Variants in MDGA2 observed in about 807,000 individuals in gnomAD.
MDGA2 encodes the protein MAM domain-containing glycosylphosphatidylinositol anchor protein 2.
A neutral mutation model predicts 117.8 loss-of-function variants in MDGA2; 40 were observed. That is an observed-to-expected ratio of 0.34 (90% CI 0.26 to 0.44). The LOEUF is 0.44. Ranked by LOEUF, MDGA2 falls within the 20% of genes least tolerant of loss-of-function variation. The probability of loss-of-function intolerance (pLI) is 1.00; values close to 1 mark genes in which losing one functional copy is unlikely to be tolerated. For synonymous variants in MDGA2, 452 were observed against 439.0 expected, an observed-to-expected ratio of 1.03 and a Z score of -0.37; for missense variants, 1,123 against 1,250.6, an observed-to-expected ratio of 0.90 and a Z score of 1.54.
chr14:47,177,379 T>C (rs1594698533), intron 3 of MDGA2, among the ~76,000 whole-genome samples: 1 of 152,172 alleles, frequency 6.6e-6, no homozygotes, highest in African/African-American at 2.4e-5. Flanking sequence ...CTATTCACAA[T>C]AGCAAAGACT....
intron 1 of MDGA2, among the ~76,000 whole-genome samples, chr14:47,326,819 G>T (rs1246941253): frequency 6.6e-6 from 1 of 151,986 alleles, no homozygotes; most frequent in Non-Finnish European, 1.5e-5. Context: ...ATTGATCCCT[G>T]GAGTTAAATA....
In MDGA2 at chr14:47,432,869, G is replaced by C. The variant is rs1034448684; in HGVS notation, c.281-131319C>G. Among the ~76,000 whole-genome samples, 10 of 152,130 alleles carry C rather than the reference G, an allele frequency of 6.6e-5. 1 individual carries two copies. Among genetic ancestry groups the C allele is most frequent in the Admixed American group, 6.5e-4 (10 of 15,270 alleles). On this transcript the variant is annotated intron_variant, in intron 1 of 16. Coordinates refer to ENST00000399232, the MANE Select transcript of MDGA2 (RefSeq NM_001113498.3). Reference sequence around the variant, plus strand: ...AGATGAAGATTAGAGTTTTGAAGAAGAATAATTAGTTTAGAAGTTGGTAGC... The same window carrying C: ...AGATGAAGATTAGAGTTTTGAAGAACAATAATTAGTTTAGAAGTTGGTAGC...
At chr14:47,179,245 CAT>C (rs1434719821) in intron 3 of MDGA2, among the ~76,000 whole-genome samples, 3 of 151,986 alleles carry the variant, frequency 2.0e-5, no homozygotes. Context: ...CAACAGCACT[CAT>C]AATAAAGTTT....
chr14:47,628,344 G>A (rs1474567231), intron 1 of MDGA2, among the ~76,000 whole-genome samples: 1 of 152,100 alleles, frequency 6.6e-6, no homozygotes, highest in East Asian at 1.9e-4. Context: ...TCCTCCATAA[G>A]TTCCATGAGG....
intron 7 of MDGA2, among the ~76,000 whole-genome samples, chr14:47,038,113 G>A (rs1888923920): frequency 6.6e-6 from 1 of 152,186 alleles, no homozygotes; most frequent in South Asian, 2.1e-4. Context: ...CATATTTTTA[G>A]TAGAGTCAGG....
Position 46,845,885 on chromosome 14 carries a change from T to G in MDGA2, c.2884-14A>C, listed in dbSNP as rs369904957. 1 of 1,576,344 alleles carries G rather than the reference T, an allele frequency of 6.3e-7. No individual in the cohort carries two copies. Among genetic ancestry groups the G allele is most frequent in the Non-Finnish European group, 8.7e-7 (1 of 1,146,354 alleles). ...TTCAAAAATGAGCTACAAATATGAA[T>G]GAAACAAACCTAAATGTGGAGCTTT... On this transcript the variant is annotated splice_polypyrimidine_tract_variant and intron_variant, in intron 15 of 16. Transcript: ENST00000399232.
chr14:47,143,330 TG>T, intron 4 of MDGA2, among the ~76,000 whole-genome samples: 1 of 152,308 alleles, frequency 6.6e-6, no homozygotes, highest in East Asian at 1.9e-4. Flanking sequence ...TTTGAACATT[TG>T]TCCAAATTTT....
intron 5 of MDGA2, among the ~76,000 whole-genome samples, chr14:47,108,267 T>A (rs1880836177): frequency 6.6e-6 from 1 of 152,120 alleles, no homozygotes; most frequent in South Asian, 2.1e-4. Flanking sequence ...CCCCAACACT[T>A]CAACACTATT....
At chr14:47,645,395 G>C (rs914678553) in intron 1 of MDGA2, among the ~76,000 whole-genome samples, 1 of 151,790 alleles carries the variant, frequency 6.6e-6, no homozygotes, top group African/African-American at 2.4e-5. Flanking sequence ...CACCTCGCCC[G>C]GCTAATTTTT....
intron 1 of MDGA2, among the ~76,000 whole-genome samples, chr14:47,540,540 G>GTGTGTGTGTGTATA: frequency 1.1e-4 from 9 of 79,212 alleles, no homozygotes; most frequent in East Asian, 9.8e-4. Context: ...GTGTGTGTGT[G>GTGTGTGTGTGTATA]TATATATATA....
Position 47,361,616 on chromosome 14 carries a change from C to T in MDGA2, c.281-60066G>A, listed in dbSNP as rs1304292534. Among the ~76,000 whole-genome samples, 6 of 152,158 alleles carry T rather than the reference C, an allele frequency of 3.9e-5. No individual in the cohort carries two copies. The East Asian group carries it at 1.2e-3, about 29-fold the overall frequency. ...CTCCCCTATGCCTTCAGATTTAAAG[C>T]ATGATTATTATCCAGTGCCTTCTAA... On this transcript the variant is annotated intron_variant, in intron 1 of 16. Coordinates refer to ENST00000399232, the MANE Select transcript of MDGA2 (RefSeq NM_001113498.3).
intron 9 of MDGA2, among the ~76,000 whole-genome samples, chr14:46,952,871 G>T (rs895636231): frequency 2.0e-5 from 3 of 152,010 alleles, no homozygotes; most frequent in Admixed American, 2.0e-4. Flanking sequence ...ATTAATGAAT[G>T]CTTTGAAGAA....
chr14:47,468,136 C>T (rs1893642156), intron 1 of MDGA2, among the ~76,000 whole-genome samples: 1 of 152,016 alleles, frequency 6.6e-6, no homozygotes, highest in Non-Finnish European at 1.5e-5. Flanking sequence ...GTGTTGCAAT[C>T]CTCTAACAAT....
chr14:47,422,614 A>G (rs1056724691), intron 1 of MDGA2, among the ~76,000 whole-genome samples: 1 of 152,224 alleles, frequency 6.6e-6, no homozygotes. Flanking sequence ...AACTTTTTAC[A>G]TTATAATTTT....
intron 1 of MDGA2, among the ~76,000 whole-genome samples, chr14:47,351,370 C>CAGG (rs1210688686): frequency 9.9e-5 from 15 of 152,170 alleles, no homozygotes; most frequent in African/African-American, 3.6e-4. Flanking sequence ...GCATGAGCCA[C>CAGG]CGCACCTGGA....
intron 8 of MDGA2, among the ~76,000 whole-genome samples, chr14:47,000,396 TATAA>T (rs1268501634): frequency 2.2e-3 from 47 of 21,680 alleles, no homozygotes; most frequent in African/African-American, 3.6e-3. Context: ...TATATTTATA[TATAA>T]ATATATATTT....
chr14:47,500,196 ACTC>A (rs910023368), intron 1 of MDGA2, among the ~76,000 whole-genome samples: 3 of 151,876 alleles, frequency 2.0e-5, no homozygotes, highest in Admixed American at 6.6e-5. Flanking sequence ...TGTTGACTGA[ACTC>A]CTTGGATATT....
intron 1 of MDGA2, among the ~76,000 whole-genome samples, chr14:47,515,733 G>T: frequency 6.6e-6 from 1 of 151,996 alleles, no homozygotes; most frequent in Non-Finnish European, 1.5e-5. Context: ...ATAAAAAAAG[G>T]CCCAACTTTG....
rs1038374334 is a variant in MDGA2, at chr14:46,840,439, C to T, written c.*1492G>A. 6.6e-6 allele frequency: 1 copy of T among 152,392 alleles called. No individual in the cohort carries two copies. Among genetic ancestry groups the T allele is most frequent in the Admixed American group, 6.6e-5 (1 of 15,238 alleles). 9.4% of individuals were successfully genotyped at this position (152,392 alleles called of 1,614,324 possible). A position where few individuals can be genotyped will look rare whatever the true frequency, so the allele number is the denominator to read the frequency against. ...AACCAACAGGTTTAAGTGAAATTTA[C>T]AATGCATTGGAAAACTGGCTGGTTA... On this transcript the variant is annotated 3_prime_UTR_variant, in exon 17 of 17. Transcript: ENST00000399232.
Sources: allele counts gnomAD v4.1 joint callset (sites outside exome capture counted in the v4.1 genomes callset), GRCh38; gene constraint gnomAD v4.1.1; transcripts MANE v1.5; gene names NCBI Gene and HGNC (gene_info 2026-07-23, HGNC 2026-07-21).